MAGI2: variants seen among roughly 807,000 people sequenced by gnomAD.
MAGI2 encodes membrane associated guanylate kinase, WW and PDZ domain containing 2.
In MAGI2, 35 loss-of-function variants were observed where a neutral mutation model predicts 133.3. The observed-to-expected ratio is 0.26, with a 90% CI of 0.20 to 0.35. The LOEUF (loss-of-function observed/expected upper bound fraction) is 0.35. Among genes scored for constraint, MAGI2 ranks in the 10% least tolerant of loss-of-function variants. MAGI2 has a pLI of 1.00. For missense variants in MAGI2, 1,636 were observed against 1,863.4 expected (o/e 0.88, Z 2.25); for synonymous variants, 729 against 710.6 (o/e 1.03, Z -0.41).
At chr7:78,420,845 T>C (rs1584017861) in intron 6 of MAGI2, among the ~76,000 whole-genome samples, 3 of 152,304 alleles carry the variant, frequency 2.0e-5, no homozygotes, top group Admixed American at 6.5e-5. Flanking sequence ...GTAAACCGTA[T>C]TGAGCAAAGT....
chr7:78,781,924 T>C (rs1826432669), intron 2 of MAGI2, among the ~76,000 whole-genome samples: 1 of 152,224 alleles, frequency 6.6e-6, no homozygotes, highest in Admixed American at 6.5e-5. Context: ...TCAATTGTTA[T>C]ATTTCTTAAC....
chr7:78,557,178 T>A (rs1799931314), intron 3 of MAGI2, among the ~76,000 whole-genome samples: 2 of 147,354 alleles, frequency 1.4e-5, no homozygotes, highest in South Asian at 4.2e-4. Flanking sequence ...ACACACAAAA[T>A]AAGATTTTGG....
chr7:78,747,197 A>G (rs1823003949), intron 2 of MAGI2, among the ~76,000 whole-genome samples: 2 of 152,184 alleles, frequency 1.3e-5, no homozygotes, highest in Admixed American at 1.3e-4. Flanking sequence ...AGCTATCTTT[A>G]TAATACTGAC....
At chr7:79,121,975 G>T (rs1284626389) in intron 1 of MAGI2, among the ~76,000 whole-genome samples, 1 of 151,932 alleles carries the variant, frequency 6.6e-6, no homozygotes, top group Non-Finnish European at 1.5e-5. Flanking sequence ...TTCAAAAGTT[G>T]GTATTCAGTA....
rs142516485 is a variant in MAGI2, at chr7:78,423,724, T to C, written c.1046-54511A>G. 2.3e-3 allele frequency among the ~76,000 whole-genome samples: 347 copies of C among 152,282 alleles called. 3 individuals are homozygous for C. The highest frequency in any genetic ancestry group is 7.4e-3 in the African/African-American group (307 of 41,570). On this transcript the variant is annotated intron_variant, in intron 6 of 21. Coordinates refer to ENST00000354212, the MANE Select transcript of MAGI2 (RefSeq NM_012301.4). Reference sequence around the variant, plus strand: ...CTTGTTGGGAACTGGAGAGTAAAGATGACTCTTGTTATGTTTTACCAAAGA... The same window carrying C: ...CTTGTTGGGAACTGGAGAGTAAAGACGACTCTTGTTATGTTTTACCAAAGA...
chr7:78,566,544 A>AC (rs1554478025), intron 3 of MAGI2, among the ~76,000 whole-genome samples: 2 of 151,650 alleles, frequency 1.3e-5, no homozygotes, highest in Non-Finnish European at 2.9e-5. Context: ...AAAAAAAAAA[A>AC]AAAAAACAGA....
chr7:78,960,220 G>C (rs1014769996), intron 2 of MAGI2, among the ~76,000 whole-genome samples: 8 of 152,052 alleles, frequency 5.3e-5, no homozygotes, highest in African/African-American at 1.9e-4. Flanking sequence ...GGCAGGGATG[G>C]CAGCACACAA....
At chr7:78,719,013 T>C (rs1281702408) in intron 2 of MAGI2, among the ~76,000 whole-genome samples, 1 of 152,188 alleles carries the variant, frequency 6.6e-6, no homozygotes, top group African/African-American at 2.4e-5. Context: ...TTTGTGTGTA[T>C]GTATTGAATA....
chr7:78,939,521 C>T (rs893318272), intron 2 of MAGI2, among the ~76,000 whole-genome samples: 5 of 152,122 alleles, frequency 3.3e-5, no homozygotes, highest in African/African-American at 4.8e-5. Flanking sequence ...TGTAAAGGCT[C>T]ATTGCTCCCA....
intron 6 of MAGI2, among the ~76,000 whole-genome samples, chr7:78,461,080 GT>G (rs1192319740): frequency 1.1e-4 from 17 of 151,562 alleles, no homozygotes; most frequent in Admixed American, 2.6e-4. Context: ...CCCCCATTGA[GT>G]TTTTTTTAAT....
chr7:78,502,875 C>G (rs1794744320), intron 4 of MAGI2, among the ~76,000 whole-genome samples: 1 of 151,976 alleles, frequency 6.6e-6, no homozygotes, highest in Non-Finnish European at 1.5e-5. Flanking sequence ...AGTCGACAAA[C>G]AATAGAAGAA....
chr7:78,638,778 T>A (rs1265760929), intron 2 of MAGI2, among the ~76,000 whole-genome samples: 1 of 152,234 alleles, frequency 6.6e-6, no homozygotes, highest in African/African-American at 2.4e-5. Context: ...TGTTACCAAT[T>A]AATTTATTTT....
Position 78,127,175 on chromosome 7 carries a change from CCT to C in MAGI2, c.3423+20_3423+21del. On this transcript the variant is annotated intron_variant, in intron 19 of 21. Coordinates refer to ENST00000354212, the MANE Select transcript of MAGI2 (RefSeq NM_012301.4). ...TCTGGAAGCCTTGGTCAGGACCCAC[CCT>C]GCTCTCCGGGAGGAGGTACCTGGGG... 5 of 1,536,404 alleles carry C rather than the reference CCT, an allele frequency of 3.3e-6. No individual in the cohort carries two copies. Among genetic ancestry groups the C allele is most frequent in the Non-Finnish European group, 4.4e-6 (5 of 1,142,986 alleles).
intron 2 of MAGI2, among the ~76,000 whole-genome samples, chr7:78,912,360 T>C (rs2040545677): frequency 6.6e-6 from 1 of 152,130 alleles, no homozygotes; most frequent in South Asian, 2.1e-4. Context: ...ATGCTGAGTG[T>C]CAACTTGATT....
At chr7:78,914,476 T>C (rs1798636417) in intron 2 of MAGI2, among the ~76,000 whole-genome samples, 1 of 152,166 alleles carries the variant, frequency 6.6e-6, no homozygotes, top group African/African-American at 2.4e-5. Context: ...TATCATAAAG[T>C]ATAATGTTTG....
At chr7:78,066,524 G>A (rs1008050899) in intron 21 of MAGI2, among the ~76,000 whole-genome samples, 1 of 148,628 alleles carries the variant, frequency 6.7e-6, no homozygotes, top group African/African-American at 2.5e-5. Flanking sequence ...AGAAAATAAA[G>A]CTGAAAAAAA....
At chr7:79,183,384 C>A (rs1237160203) in intron 1 of MAGI2, among the ~76,000 whole-genome samples, 1 of 151,704 alleles carries the variant, frequency 6.6e-6, no homozygotes, top group Non-Finnish European at 1.5e-5. Flanking sequence ...GTATCATCAT[C>A]CAAAAAATTT....
At chr7:78,281,490 T>A (rs1562743841) in intron 9 of MAGI2, among the ~76,000 whole-genome samples, 2 of 152,150 alleles carry the variant, frequency 1.3e-5, no homozygotes, top group Non-Finnish European at 1.5e-5. Flanking sequence ...GTGCCTTGCT[T>A]CCTCTTATCC....
At chr7:78,572,279 G>A (rs1801580958) in intron 3 of MAGI2, among the ~76,000 whole-genome samples, 3 of 152,108 alleles carry the variant, frequency 2.0e-5, no homozygotes, top group Non-Finnish European at 4.4e-5. Context: ...CAGGGTTTGT[G>A]ATATCCTTTA....
Sources: gnomAD v4.1 joint callset for allele counts (sites outside exome capture counted in the v4.1 genomes callset) on GRCh38, gnomAD v4.1.1 for gene constraint, MANE v1.5 for transcripts, NCBI Gene and HGNC (gene_info 2026-07-23, HGNC 2026-07-21) for gene names.